ACO2: variants seen among roughly 807,000 people sequenced by gnomAD.
ACO2 encodes aconitate hydratase, mitochondrial.
In ACO2, 31 loss-of-function variants were observed where a neutral mutation model predicts 84.5. The observed-to-expected ratio is 0.37, with a 90% CI of 0.28 to 0.50. ACO2 has a LOEUF of 0.50. Ranked by LOEUF, ACO2 falls within the 20% of genes least tolerant of loss-of-function variation. ACO2 has a pLI of 0.97. For synonymous variants in ACO2, 414 were observed against 412.7 expected, an observed-to-expected ratio of 1.00 and a Z score of -0.04; for missense variants, 685 against 1,029.3, an observed-to-expected ratio of 0.67 and a Z score of 4.58.
chr22:41,517,723 G>A, intron 7 of ACO2, 92 bp downstream of exon 7: 1 of 1,164,668 alleles, frequency 8.6e-7, no homozygotes, highest in Non-Finnish European at 1.3e-6. Flanking sequence ...TAGGGCAGGG[G>A]TTCTTAACCC....
intron 15 of ACO2, chr22:41,526,820 T>A (rs1393662159): frequency 6.7e-6 from 2 of 297,860 alleles, no homozygotes; most frequent in African/African-American, 4.4e-5. Context: ...TGATTGGACT[T>A]TTTCTGCTTT....
At chr22:41,498,754 C>A (rs2066333131) in intron 1 of ACO2, among the ~76,000 whole-genome samples, 1 of 152,152 alleles carries the variant, frequency 6.6e-6, no homozygotes, top group Admixed American at 6.5e-5. Flanking sequence ...CAATAGCATC[C>A]CTTGTCACAT....
At position 41,469,406 on chromosome 22, in the gene ACO2, G is replaced by A. The variant is rs941064616; in HGVS notation, c.36+224G>A. ...GCCCTGTCCCTGCCTCGCAAGAAGC[G>A]TGGGCCCAAGCAGCGGCGGCCGGGT... On this transcript the variant is annotated intron_variant, in intron 1 of 17. Transcript: ENST00000216254. The A allele has an allele frequency of 1.0e-5, 5 of 478,718 alleles. No individual in the cohort carries two copies. In the East Asian group the frequency reaches 1.8e-4, roughly 17 times the overall value. The allele number at this position is 478,718 out of a possible 1,614,324, so 29.7% of individuals were successfully genotyped here.
rs2146154282 is a variant in ACO2 at position 41,528,001 on chromosome 22, G to A, written c.2187G>A (p.Leu729=). 2.5e-6 allele frequency: 4 copies of A among 1,614,154 alleles called. No homozygotes were observed. The highest frequency in any genetic ancestry group is 2.7e-5 in the African/African-American group (2 of 75,036). ...HPVDKLTIQG[L]KDFTPGKPLK... ...TGGACAAGCTGACCATTCAGGGCCTGAAGGACTTCACCCCTGGCAAGGTTA... is the reference window on the plus strand; with the variant it reads ...TGGACAAGCTGACCATTCAGGGCCTAAAGGACTTCACCCCTGGCAAGGTTA... The change falls in exon 17 of 18, where the codon CTG becomes CTA. Residue 729 remains leucine, a synonymous_variant. Transcript: ENST00000216254.
At chr22:41,517,197 G>A (rs191513720) in intron 6 of ACO2, 46 of 353,756 alleles carry the variant, frequency 1.3e-4, no homozygotes, top group African/African-American at 8.2e-4. Flanking sequence ...CCTACAGTAC[G>A]TGGTGCCTGT....
In ACO2 at chr22:41,511,867, T is replaced by C; in HGVS notation, c.433-9T>C. 6.3e-7 allele frequency: 1 copy of C among 1,597,216 alleles called. No individual in the cohort carries two copies. Among genetic ancestry groups the C allele is most frequent in the South Asian group, 1.1e-5 (1 of 88,776 alleles). On this transcript the variant is annotated splice_polypyrimidine_tract_variant and intron_variant, in intron 3 of 17. Transcript: ENST00000216254. Reference sequence around the variant, plus strand: ...TTGCTAACGCCCAATTATTGATTTGTCTCAATAGGACATCAACCAGGAAGT... The same window carrying C: ...TTGCTAACGCCCAATTATTGATTTGCCTCAATAGGACATCAACCAGGAAGT...
Position 41,508,017 on chromosome 22 carries a change from G to A in ACO2, c.400G>A (p.Val134Ile), listed in dbSNP as rs1395204341. The A allele has an allele frequency of 1.2e-6, 2 of 1,613,328 alleles. No individual in the cohort carries two copies. The highest frequency in any genetic ancestry group is 4.5e-5 in the East Asian group (2 of 44,852). Residue 134 changes from valine to isoleucine, a missense_variant, in exon 3 of 18, where the codon GTT (valine) becomes ATT (isoleucine). Physicochemically the swap from Val to Ile is conservative, Grantham distance 29. Around this residue, in one of 5 missense-constraint regions of ACO2, gnomAD observed 92 missense variants for 203.7 expected, o/e 0.45. Coordinates refer to ENST00000216254, the MANE Select transcript of ACO2 (RefSeq NM_001098.3). Reference protein sequence around the residue: ...IHCDHLIEAQVGGEKDLRRAK... With the variant: ...IHCDHLIEAQIGGEKDLRRAK... Reference sequence around the variant, plus strand: ...CTGTGACCATCTGATTGAAGCCCAGGTTGGGGGCGAGAAAGACCTGCGCCG... The same window carrying A: ...CTGTGACCATCTGATTGAAGCCCAGATTGGGGGCGAGAAAGACCTGCGCCG...
intron 1 of ACO2, among the ~76,000 whole-genome samples, chr22:41,491,991 T>G (rs778569229): frequency 6.6e-6 from 1 of 152,102 alleles, no homozygotes; most frequent in African/African-American, 2.4e-5. Context: ...CTAGAAGAAG[T>G]GATCCATCAC....
intron 1 of ACO2, among the ~76,000 whole-genome samples, chr22:41,479,210 G>T (rs1005190154): frequency 6.6e-6 from 1 of 152,188 alleles, no homozygotes; most frequent in Non-Finnish European, 1.5e-5. Context: ...CTGGAACATG[G>T]ATGTAGTGGT....
intron 17 of ACO2, 122 bp from the exon 18 acceptor site, chr22:41,528,356 AG>A: frequency 7.2e-7 from 1 of 1,385,874 alleles, no homozygotes; most frequent in Non-Finnish European, 9.7e-7. Flanking sequence ...AGACTGGCCT[AG>A]GATTTGGTTT....
intron 3 of ACO2, among the ~76,000 whole-genome samples, chr22:41,508,715 C>T (rs1372182456): frequency 6.6e-6 from 1 of 152,240 alleles, no homozygotes; most frequent in Non-Finnish European, 1.5e-5. Context: ...TGCTCCTTCT[C>T]CCAGGCTCGG....
At chr22:41,493,913 G>A (rs575891057) in intron 1 of ACO2, among the ~76,000 whole-genome samples, 10 of 152,168 alleles carry the variant, frequency 6.6e-5, no homozygotes, top group Non-Finnish European at 1.5e-4. Flanking sequence ...ACAAAAATTA[G>A]CCAGGTGTGG....
At chr22:41,512,145 G>A (rs1006809677) in intron 4 of ACO2, 177 bp downstream of exon 4, 3 of 524,888 alleles carry the variant, frequency 5.7e-6, no homozygotes, top group South Asian at 2.6e-5. Flanking sequence ...GTCATTATAC[G>A]TGCTCATTTT....
intron 1 of ACO2, 122 bp from the exon 2 acceptor site, chr22:41,499,604 G>A: frequency 9.5e-7 from 1 of 1,052,786 alleles, no homozygotes; most frequent in Non-Finnish European, 1.4e-6. Context: ...AGCTGAGGCT[G>A]CAGTTACTGA....
intron 2 of ACO2, among the ~76,000 whole-genome samples, chr22:41,500,487 C>T (rs997867489): frequency 2.6e-5 from 4 of 151,328 alleles, no homozygotes; most frequent in African/African-American, 7.3e-5. Context: ...CCAGTTGGAA[C>T]GATTCTTGTG....
rs760719279 is a variant in ACO2 at position 41,515,581 on chromosome 22, G to T, written c.684+46G>T. Reference sequence around the variant, plus strand: ...ATTCTGGGCTGGCTGTGGGGTGGTGGTTGGTGGGGATGAACGGGAGACGGT... The same window carrying T: ...ATTCTGGGCTGGCTGTGGGGTGGTGTTTGGTGGGGATGAACGGGAGACGGT... On this transcript the variant is annotated intron_variant, in intron 5 of 17. Coordinates refer to ENST00000216254, the MANE Select transcript of ACO2 (RefSeq NM_001098.3). This position sits in a 1 kb window ranked among gnomAD's most constrained non-coding sequence, Gnocchi z 5.8. 12 of 1,585,360 alleles carry T rather than the reference G, an allele frequency of 7.6e-6. No individual in the cohort carries two copies. The Admixed American group carries it at 2.1e-4, about 27-fold the overall frequency.
chr22:41,482,705 G>C (rs763311773), intron 1 of ACO2, among the ~76,000 whole-genome samples: 17 of 152,312 alleles, frequency 1.1e-4, no homozygotes, highest in Non-Finnish European at 1.6e-4. Context: ...TAGGAAGTTA[G>C]GCCTGTCATG....
chr22:41,509,080 T>C (rs1057263409), intron 3 of ACO2, among the ~76,000 whole-genome samples: 13 of 152,124 alleles, frequency 8.5e-5, no homozygotes, highest in Non-Finnish European at 1.5e-4. Context: ...GGTTTCCACA[T>C]TAGCAACAAC....
At chr22:41,522,430 T>C (rs1307525418) in intron 9 of ACO2, among the ~76,000 whole-genome samples, 1 of 152,228 alleles carries the variant, frequency 6.6e-6, no homozygotes, top group Non-Finnish European at 1.5e-5. Context: ...GCCCTGATTA[T>C]AAAACAATCT....
Sources: allele counts gnomAD v4.1 joint callset (sites outside exome capture counted in the v4.1 genomes callset), GRCh38; gene constraint gnomAD v4.1.1; regional missense constraint gnomAD v4.1.1; non-coding constraint Gnocchi (gnomAD v3.1); transcripts MANE v1.5; gene names NCBI Gene and HGNC (gene_info 2026-07-23, HGNC 2026-07-21).